Variants in ZNF227 observed in about 807,000 individuals in gnomAD.
The protein encoded by ZNF227 is zinc finger protein 227.
ZNF227 carries 12 observed loss-of-function variants against 13.2 expected under a neutral mutation model. That is an observed-to-expected ratio of 0.91 (90% CI 0.58 to 1.47). ZNF227 has a LOEUF of 1.47. Among genes scored for constraint, ZNF227 ranks in the 40% most tolerant of loss-of-function variants. ZNF227 has a pLI of 0.00. For synonymous variants in ZNF227, 338 were observed against 326.0 expected (o/e 1.04, Z -0.40); for missense variants, 885 against 967.5 (o/e 0.91, Z 1.13).
chr19:44,217,503 G>A (rs1568594320), intron 2 of ZNF227: 1 of 614,438 alleles, frequency 1.6e-6, no homozygotes, highest in Non-Finnish European at 3.0e-6. Flanking sequence ...ATTAAACCCA[G>A]ATACTTGACT....
In ZNF227 at chr19:44,234,683, C is replaced by T; in HGVS notation, c.272-19C>T. ...TACTGCCCTCATCTCTAAATATTGCCTTTTTTCTTTTTTAATAGGCAGCAA... is the reference window on the plus strand; with the variant it reads ...TACTGCCCTCATCTCTAAATATTGCTTTTTTTCTTTTTTAATAGGCAGCAA... On this transcript the variant is annotated intron_variant, in intron 5 of 5. Coordinates refer to ENST00000313040, the MANE Select transcript of ZNF227 (RefSeq NM_182490.3). The T allele has an allele frequency of 6.4e-7, 1 of 1,553,936 alleles. No individual in the cohort carries two copies. The highest frequency in any genetic ancestry group is 2.2e-5 in the East Asian group (1 of 44,548).
intron 2 of ZNF227, among the ~76,000 whole-genome samples, chr19:44,215,517 C>T (rs1202560784): frequency 2.7e-5 from 4 of 146,780 alleles, no homozygotes; most frequent in African/African-American, 1.0e-4. Flanking sequence ...ATATTTTGTT[C>T]TCCTTTCTTG....
At chr19:44,220,042 G>A (rs1163137364) in intron 3 of ZNF227, among the ~76,000 whole-genome samples, 1 of 148,878 alleles carries the variant, frequency 6.7e-6, no homozygotes, top group Non-Finnish European at 1.5e-5. Context: ...TTGGTTTTTT[G>A]TCCTTGCGAT....
In ZNF227 at chr19:44,236,756, A is replaced by G. The variant is rs780904850; in HGVS notation, c.2326A>G (p.Ile776Val). Residue 776 changes from isoleucine (I) to valine (V), a missense_variant, in exon 6 of 6, where the codon ATA becomes GTA. Transcript: ENST00000313040. Reference sequence around the variant, plus strand: ...TGGAGAAAAACCATACAAATGTGACATATGTGATAAGGACTTCCGTCACCG... The same window carrying G: ...TGGAGAAAAACCATACAAATGTGACGTATGTGATAAGGACTTCCGTCACCG... ...HTGEKPYKCDICDKDFRHRSR... is the reference protein window; with the variant it reads ...HTGEKPYKCDVCDKDFRHRSR... 5 of 1,613,692 alleles carry G rather than the reference A, an allele frequency of 3.1e-6. No homozygotes were observed. In the Admixed American group the frequency reaches 5.0e-5, roughly 16 times the overall value.
Position 44,229,768 on chromosome 19 carries a change from T to G in ZNF227, c.223T>G (p.Leu75Val), listed in dbSNP as rs773260746. 8 of 1,591,904 alleles carry G rather than the reference T, an allele frequency of 5.0e-6. No homozygotes were observed. The highest frequency in any genetic ancestry group is 6.0e-6 in the Non-Finnish European group (7 of 1,165,188). ...LPFQPDMVSQ[L>V]EAEEKLWMME... ...CTTCCAACCAGATATGGTATCCCAA[T>G]TGGAAGCAGAAGAAAAGCTTTGGAT... The change falls in exon 5 of 6, where the codon TTG (leucine) becomes GTG (valine). Residue 75 changes from leucine to valine, a missense_variant. By Grantham distance (32) the Leu-to-Val change is conservative. Coordinates refer to ENST00000313040, the MANE Select transcript of ZNF227 (RefSeq NM_182490.3).
intron 3 of ZNF227, among the ~76,000 whole-genome samples, chr19:44,219,692 G>C (rs975854387): frequency 1.3e-5 from 2 of 151,704 alleles, no homozygotes; most frequent in African/African-American, 4.8e-5. Flanking sequence ...AGTGAACTGG[G>C]AAAATCTTTG....
intron 5 of ZNF227, among the ~76,000 whole-genome samples, chr19:44,230,978 A>G (rs1413774436): frequency 3.5e-5 from 5 of 144,024 alleles, no homozygotes; most frequent in Non-Finnish European, 6.0e-5. Flanking sequence ...GTTAGCATAC[A>G]TCTGTAGTCC....
chr19:44,214,100 G>C lies in ZNF227; in HGVS notation c.-3+856G>C, dbSNP rs573743013. Among the ~76,000 whole-genome samples the C allele has an allele frequency of 3.9e-4, 60 of 152,156 alleles. No individual in the cohort carries two copies. The Middle Eastern group carries it at 0.014, about 35-fold the overall frequency. On this transcript the variant is annotated intron_variant, in intron 2 of 5. Transcript: ENST00000313040. Reference sequence around the variant, plus strand: ...AAAATGGTAATATTTTGGATACATTGGCTTAAATTATGTTGTTGAAATTAA... The same window carrying C: ...AAAATGGTAATATTTTGGATACATTCGCTTAAATTATGTTGTTGAAATTAA...
chr19:44,216,958 GTTT>G (rs35474532), intron 2 of ZNF227, among the ~76,000 whole-genome samples: 3 of 91,624 alleles, frequency 3.3e-5, no homozygotes, highest in Admixed American at 1.4e-4. Flanking sequence ...TCATCTGCTT[GTTT>G]TTTTTTTTTT....
chr19:44,219,406 T>TA, intron 3 of ZNF227, among the ~76,000 whole-genome samples: 1 of 152,082 alleles, frequency 6.6e-6, no homozygotes, highest in Non-Finnish European at 1.5e-5. Flanking sequence ...AAACATTAGG[T>TA]AAAGGTCTAA....
chr19:44,220,886 C>T (rs1346063069), intron 3 of ZNF227, among the ~76,000 whole-genome samples: 2 of 151,780 alleles, frequency 1.3e-5, no homozygotes, highest in African/African-American at 2.4e-5. Flanking sequence ...TCAGTTCCCA[C>T]CTATGAGTGA....
chr19:44,220,104 A>G (rs1472969265), intron 3 of ZNF227, among the ~76,000 whole-genome samples: 4 of 152,174 alleles, frequency 2.6e-5, no homozygotes, highest in Non-Finnish European at 5.9e-5. Flanking sequence ...TACAAAGGAC[A>G]TGAACTCATC....
At chr19:44,218,393 C>T (rs965560274) in intron 3 of ZNF227, among the ~76,000 whole-genome samples, 5 of 152,086 alleles carry the variant, frequency 3.3e-5, no homozygotes, top group African/African-American at 4.8e-5. Context: ...ATTATTTGTC[C>T]TTAAAGTTTT....
chr19:44,234,967 G>T lies in ZNF227; in HGVS notation c.537G>T (p.Gly179=), dbSNP rs1974269808. The T allele has an allele frequency of 6.2e-7, 1 of 1,614,046 alleles. No individual in the cohort carries two copies. Among genetic ancestry groups the T allele is most frequent in the African/African-American group, 1.3e-5 (1 of 75,022 alleles). ...TTTGGAGAACCCAGCATTCTTGCGG[G>T]AATACATATCTGAGTGAGTCACAGA... ...FPFWRTQHSC[G]NTYLSESQIQ... The change falls in exon 6 of 6, where the codon GGG becomes GGT. Residue 179 remains glycine, a synonymous_variant. Coordinates refer to ENST00000313040, the MANE Select transcript of ZNF227 (RefSeq NM_182490.3).
rs185838003 is a variant in ZNF227 at position 44,217,527 on chromosome 19, A to G, written c.-2-264A>G. 1,055 of 653,692 alleles carry G rather than the reference A, an allele frequency of 1.6e-3. 15 individuals carry two copies. The highest frequency in any genetic ancestry group is 2.6e-4 in the Non-Finnish European group (91 of 352,980). 40.5% of individuals were successfully genotyped at this position (653,692 alleles called of 1,614,324 possible). ...AGATACTTGACTTGAGAGCCCTCAT[A>G]TGTTGTTACATTGCCTCTCGTTTCC... On this transcript the variant is annotated intron_variant, in intron 2 of 5. Coordinates refer to ENST00000313040, the MANE Select transcript of ZNF227 (RefSeq NM_182490.3).
At chr19:44,233,367 GTTTT>G (rs1032336039) in intron 5 of ZNF227, among the ~76,000 whole-genome samples, 2 of 151,586 alleles carry the variant, frequency 1.3e-5, no homozygotes, top group African/African-American at 4.8e-5. Flanking sequence ...TCTGTTTTTT[GTTTT>G]TTTGTCAGTC....
chr19:44,225,872 G>GT (rs772026989), intron 3 of ZNF227, among the ~76,000 whole-genome samples: 10 of 152,088 alleles, frequency 6.6e-5, no homozygotes, highest in Non-Finnish European at 1.0e-4. Flanking sequence ...TTTCTGCTCT[G>GT]TTTTTTCCCC....
intron 3 of ZNF227, among the ~76,000 whole-genome samples, chr19:44,218,734 T>C (rs945137640): frequency 1.3e-5 from 2 of 152,226 alleles, no homozygotes; most frequent in Non-Finnish European, 1.5e-5. Context: ...GAACATTTTA[T>C]AACTGCCCCA....
chr19:44,228,370 T>C, intron 3 of ZNF227, 76 bp from the exon 4 acceptor site: 1 of 1,536,360 alleles, frequency 6.5e-7, no homozygotes, highest in Non-Finnish European at 8.7e-7. Flanking sequence ...TGTGGTGCTC[T>C]TTTCCTTCTT....
Sources: allele counts gnomAD v4.1 joint callset (sites outside exome capture counted in the v4.1 genomes callset), GRCh38; gene constraint gnomAD v4.1.1; transcripts MANE v1.5; gene names NCBI Gene and HGNC (gene_info 2026-07-23, HGNC 2026-07-21).